AIM2: variants seen among roughly 807,000 people sequenced by gnomAD.
AIM2 encodes absent in melanoma 2.
Under a neutral mutation model 27.7 loss-of-function variants are expected in AIM2, and 30 were observed. The observed-to-expected ratio is 1.08, with a 90% CI of 0.81 to 1.47. The LOEUF is 1.47. Among genes scored for constraint, AIM2 ranks in the 40% most tolerant of loss-of-function variants. The probability of loss-of-function intolerance (pLI) is 0.00; values close to 1 mark genes in which losing one functional copy is unlikely to be tolerated. For synonymous variants in AIM2, 141 were observed against 145.3 expected (o/e 0.97, Z 0.21); for missense variants, 358 against 411.3 (o/e 0.87, Z 1.12).
intron 1 of AIM2, among the ~76,000 whole-genome samples, chr1:159,130,825 C>A (rs1647850410): frequency 6.6e-6 from 1 of 151,588 alleles, no homozygotes; most frequent in African/African-American, 2.4e-5. Flanking sequence ...CACACACACA[C>A]ACACACACAC....
intron 1 of AIM2, among the ~76,000 whole-genome samples, chr1:159,113,061 C>T (rs2102030798): frequency 6.6e-6 from 1 of 152,078 alleles, no homozygotes; most frequent in Middle Eastern, 3.4e-3. Flanking sequence ...TCTCCTGCCT[C>T]AGCCTCCGGA....
chr1:159,061,981 T>C (rs1380415438), downstream of AIM2, among the ~76,000 whole-genome samples: 1 of 152,234 alleles, frequency 6.6e-6, no homozygotes, highest in East Asian at 1.9e-4. Context: ...ATGATCTGTT[T>C]GGAGTTTATT....
Position 159,075,972 on chromosome 1 carries a change from T to C in AIM2, c.-21+661A>G, listed in dbSNP as rs77534120. Among the ~76,000 whole-genome samples, 1,240 of 152,286 alleles carry C rather than the reference T, an allele frequency of 8.1e-3. 17 individuals are homozygous for C. The highest frequency in any genetic ancestry group is 0.028 in the African/African-American group (1,170 of 41,562). ...GCCTTATAATGTTTTTTCCTATATG[T>C]TGGTAAGCGCTGGAGAAACTCTACT... On this transcript the variant is annotated intron_variant, in intron 1 of 5. Transcript: ENST00000368130.
At chr1:159,056,049 G>A in the AIM2 span, among the ~76,000 whole-genome samples, 1 of 152,202 alleles carries the variant, frequency 6.6e-6, no homozygotes, top group Non-Finnish European at 1.5e-5. Context: ...GTCTACTACT[G>A]TTGCAGGAAT....
At chr1:159,130,511 T>A (rs552449959) in intron 1 of AIM2, among the ~76,000 whole-genome samples, 13 of 152,146 alleles carry the variant, frequency 8.5e-5, no homozygotes, top group Non-Finnish European at 1.6e-4. Flanking sequence ...AAAAGGCACT[T>A]CCATTCACTC....
At position 159,106,801 on chromosome 1, in the gene AIM2, C is replaced by T. The variant is rs145441745; in HGVS notation, c.-16+33630G>A. ...GCTCTCTGCCACAACTAGCCTTATA[C>T]CTTTCAGAAAGTCCTTAGTTTCTCT... is the stretch of plus-strand genomic sequence containing the variant. On this transcript the variant is annotated intron_variant, in intron 1 of 2. Transcript: ENST00000368129. Among the ~76,000 whole-genome samples the T allele has an allele frequency of 7.2e-5, 11 of 152,342 alleles. No homozygotes were observed. In the East Asian group the frequency reaches 2.1e-3, roughly 29 times the overall value.
At chr1:159,074,244 T>C (rs1656497316) in intron 1 of AIM2, among the ~76,000 whole-genome samples, 1 of 152,188 alleles carries the variant, frequency 6.6e-6, no homozygotes, top group South Asian at 2.1e-4. Flanking sequence ...CAGTGTCTTA[T>C]TTAAGAAATC....
intron 1 of AIM2, among the ~76,000 whole-genome samples, chr1:159,126,516 G>A (rs553620178): frequency 1.8e-4 from 27 of 152,150 alleles, no homozygotes; most frequent in Non-Finnish European, 3.7e-4. Context: ...GGGTATGGTG[G>A]CGGGTGCCTG....
intron 1 of AIM2, among the ~76,000 whole-genome samples, chr1:159,089,452 G>A (rs1444316248): frequency 6.6e-6 from 1 of 152,194 alleles, no homozygotes; most frequent in Non-Finnish European, 1.5e-5. Flanking sequence ...AGGTAGATCA[G>A]GATAGAAGCA....
chr1:159,102,645 G>T (rs1311538700), intron 1 of AIM2, among the ~76,000 whole-genome samples: 1 of 152,224 alleles, frequency 6.6e-6, no homozygotes, highest in East Asian at 1.9e-4. Context: ...AGTGTGCCCT[G>T]GATATGAGAC....
chr1:159,114,300 A>C (rs1647270852), intron 1 of AIM2, among the ~76,000 whole-genome samples: 1 of 152,216 alleles, frequency 6.6e-6, no homozygotes, highest in South Asian at 2.1e-4. Context: ...TGGAAGAGGA[A>C]AACTGAGCCT....
chr1:159,135,058 C>A (rs1331868156), intron 1 of AIM2, among the ~76,000 whole-genome samples: 4 of 152,180 alleles, frequency 2.6e-5, no homozygotes, highest in Non-Finnish European at 4.4e-5. Flanking sequence ...CTCCATGGAT[C>A]TCTCCTTCAT....
intron 1 of AIM2, among the ~76,000 whole-genome samples, chr1:159,085,301 T>G: frequency 6.6e-6 from 1 of 152,180 alleles, no homozygotes; most frequent in East Asian, 1.9e-4. Flanking sequence ...TGAGAATTAT[T>G]ACATGTGAAT....
intron 1 of AIM2, among the ~76,000 whole-genome samples, chr1:159,111,185 A>T (rs1210541137): frequency 1.3e-5 from 2 of 152,178 alleles, no homozygotes; most frequent in East Asian, 3.8e-4. Context: ...CTTCTCTTTG[A>T]CCTCAAATTA....
At chr1:159,105,179 T>C (rs1424375956) in intron 1 of AIM2, among the ~76,000 whole-genome samples, 1 of 152,176 alleles carries the variant, frequency 6.6e-6, no homozygotes, top group Non-Finnish European at 1.5e-5. Flanking sequence ...CTCCAGCTGC[T>C]GCGGCAGGGC....
At chr1:159,134,285 A>G (rs1243623667) in intron 1 of AIM2, among the ~76,000 whole-genome samples, 1 of 152,164 alleles carries the variant, frequency 6.6e-6, no homozygotes, top group Non-Finnish European at 1.5e-5. Flanking sequence ...GGTAACTTCT[A>G]ATTTAGCTCA....
chr1:159,101,881 G>A (rs899286830), intron 1 of AIM2, among the ~76,000 whole-genome samples: 3 of 152,206 alleles, frequency 2.0e-5, no homozygotes, highest in African/African-American at 7.2e-5. Flanking sequence ...AAAATTTGCA[G>A]CCTGACCATG....
At chr1:159,069,991 C>A (rs1047015965) in intron 2 of AIM2, among the ~76,000 whole-genome samples, 3 of 152,192 alleles carry the variant, frequency 2.0e-5, no homozygotes, top group African/African-American at 7.2e-5. Flanking sequence ...GAGGGATTTT[C>A]ACACAGTGTT....
chr1:159,097,174 A>G (rs1247508505), intron 1 of AIM2, among the ~76,000 whole-genome samples: 1 of 151,896 alleles, frequency 6.6e-6, no homozygotes, highest in Non-Finnish European at 1.5e-5. Context: ...GAGACCTGAC[A>G]TTCCTTACTA....
Sources: allele counts gnomAD v4.1 joint callset (sites outside exome capture counted in the v4.1 genomes callset), GRCh38; gene constraint gnomAD v4.1.1; transcripts MANE v1.5; gene names NCBI Gene and HGNC (gene_info 2026-07-23, HGNC 2026-07-21).